The following SLC12A8 variants were observed in gnomAD, a reference collection of about 807,000 sequenced individuals.
The protein encoded by SLC12A8 is cation-chloride cotransporter 9.
In SLC12A8, 69 loss-of-function variants were observed where a neutral mutation model predicts 75.6. The ratio of observed to expected loss-of-function variants is 0.91; its 90% CI spans 0.75 to 1.11. The LOEUF is 1.11. SLC12A8 is among the 50% of genes most tolerant of loss of function. The pLI is 0.00. For synonymous variants in SLC12A8, 365 were observed against 372.8 expected, an observed-to-expected ratio of 0.98 and a Z score of 0.24; for missense variants, 877 against 896.7, an observed-to-expected ratio of 0.98 and a Z score of 0.28.
intron 2 of SLC12A8, 134 bp downstream of exon 2, chr3:125,211,165 A>T: frequency 1.3e-6 from 1 of 764,420 alleles, no homozygotes; most frequent in Non-Finnish European, 2.3e-6. Context: ...TTCTCATTGA[A>T]CTGGATGACC....
intron 5 of SLC12A8, among the ~76,000 whole-genome samples, chr3:125,161,564 G>A: frequency 6.6e-6 from 1 of 152,044 alleles, no homozygotes; most frequent in East Asian, 1.9e-4. Context: ...AACCTGCACA[G>A]TCGGAAAGAA....
chr3:125,122,248 G>C (rs1933081678), intron 6 of SLC12A8, among the ~76,000 whole-genome samples: 1 of 152,132 alleles, frequency 6.6e-6, no homozygotes. Flanking sequence ...TGTTATTTCT[G>C]GGTGATAAAA....
chr3:125,158,044 G>A (rs896487511), intron 5 of SLC12A8, among the ~76,000 whole-genome samples: 2 of 152,066 alleles, frequency 1.3e-5, no homozygotes, highest in African/African-American at 4.8e-5. Flanking sequence ...GAAGGATGGC[G>A]GAAATGAAGG....
At chr3:125,100,051 C>T (rs1363138842) in intron 10 of SLC12A8, among the ~76,000 whole-genome samples, 1 of 151,976 alleles carries the variant, frequency 6.6e-6, no homozygotes, top group Non-Finnish European at 1.5e-5. Flanking sequence ...TTTCAGATGA[C>T]AGAGGAAAGA....
At chr3:125,115,676 C>T (rs1312183968) in intron 8 of SLC12A8, among the ~76,000 whole-genome samples, 3 of 152,020 alleles carry the variant, frequency 2.0e-5, no homozygotes, top group Non-Finnish European at 4.4e-5. Context: ...GAAAGGAATC[C>T]AGGGCAGCCT....
At chr3:125,094,797 C>G (rs771633889) in intron 10 of SLC12A8, among the ~76,000 whole-genome samples, 2 of 152,214 alleles carry the variant, frequency 1.3e-5, no homozygotes, top group Non-Finnish European at 2.9e-5. Flanking sequence ...ATTGTATCTA[C>G]TTTTCCACTA....
chr3:125,193,694 G>T (rs2107798032), intron 2 of SLC12A8, among the ~76,000 whole-genome samples: 1 of 152,296 alleles, frequency 6.6e-6, no homozygotes, highest in Non-Finnish European at 1.5e-5. Context: ...TCCTGAGTCT[G>T]CATCCCCAAT....
At position 125,161,113 on chromosome 3, in the gene SLC12A8, C is replaced by T. The variant is rs182922348; in HGVS notation, c.622+16630G>A. ...CCAGTGCTGACCTGCTTGGGCTTCCCATCCTCTTGTCTCGGCAGGGCTCAT... is the reference window on the plus strand; with the variant it reads ...CCAGTGCTGACCTGCTTGGGCTTCCTATCCTCTTGTCTCGGCAGGGCTCAT... On this transcript the variant is annotated intron_variant, in intron 5 of 13. Transcript: ENST00000469902. Among the ~76,000 whole-genome samples, 2 of 152,318 alleles carry T rather than the reference C, an allele frequency of 1.3e-5. 1 individual carries two copies. The highest frequency in any genetic ancestry group is 3.9e-4 in the East Asian group (2 of 5,180).
intron 2 of SLC12A8, among the ~76,000 whole-genome samples, chr3:125,210,124 G>A (rs972394474): frequency 2.6e-5 from 4 of 152,122 alleles, no homozygotes; most frequent in Admixed American, 2.6e-4. Context: ...CTCTCTTAGG[G>A]CACTTATGAC....
intron 6 of SLC12A8, 132 bp from the exon 7 acceptor site, chr3:125,120,818 C>G (rs780271689): frequency 6.8e-6 from 5 of 733,226 alleles, no homozygotes; most frequent in Non-Finnish European, 9.8e-6. Context: ...AGCTGCAGCT[C>G]TGCGCATAGG....
chr3:125,090,894 G>C (rs1490213764), intron 12 of SLC12A8, among the ~76,000 whole-genome samples: 1 of 151,940 alleles, frequency 6.6e-6, no homozygotes, highest in Non-Finnish European at 1.5e-5. Context: ...ATTCAATTAG[G>C]GTGCTTAGAC....
intron 4 of SLC12A8, among the ~76,000 whole-genome samples, chr3:125,178,902 A>G (rs142116093): frequency 0.018 from 2,782 of 152,350 alleles, 41 homozygotes; most frequent in Middle Eastern, 0.061. Context: ...TTTTAAAAAA[A>G]TGAAATGAAA....
At chr3:125,125,553 C>T (rs1454672715) in intron 6 of SLC12A8, among the ~76,000 whole-genome samples, 8 of 152,012 alleles carry the variant, frequency 5.3e-5, no homozygotes, top group Admixed American at 1.3e-4. Flanking sequence ...AGCAAGACTC[C>T]GTCTCAAAAA....
chr3:125,162,988 G>T (rs1934206854), intron 5 of SLC12A8, among the ~76,000 whole-genome samples: 1 of 152,172 alleles, frequency 6.6e-6, no homozygotes, highest in African/African-American at 2.4e-5. Context: ...AAAAAGACAG[G>T]AGAAACCTAA....
chr3:125,097,891 CT>C (rs1448317620), intron 10 of SLC12A8, among the ~76,000 whole-genome samples: 2 of 152,044 alleles, frequency 1.3e-5, no homozygotes, highest in African/African-American at 4.8e-5. Context: ...AGGCAGGTAA[CT>C]TTACTTTATC....
At chr3:125,200,462 C>G (rs1413575122) in intron 2 of SLC12A8, among the ~76,000 whole-genome samples, 1 of 152,072 alleles carries the variant, frequency 6.6e-6, no homozygotes, top group African/African-American at 2.4e-5. Flanking sequence ...AAAACAACAA[C>G]AACAACAAGA....
At chr3:125,086,649 G>A (rs79369360) in intron 13 of SLC12A8, among the ~76,000 whole-genome samples, 6,612 of 152,248 alleles carry the variant, frequency 0.043, 251 homozygotes, top group African/African-American at 0.092. Context: ...TGGGTTGTAG[G>A]GGAGAAGAGA....
intron 8 of SLC12A8, among the ~76,000 whole-genome samples, chr3:125,111,595 T>TA (rs1491391012): frequency 0.013 from 2,047 of 152,346 alleles, 44 homozygotes; most frequent in African/African-American, 0.045. Flanking sequence ...AGAGTTAATA[T>TA]TCAGCTTTGT....
At position 125,082,806 on chromosome 3, in the gene SLC12A8, T is replaced by C. The variant is rs892169385; in HGVS notation, c.*1084A>G. The C allele has an allele frequency of 5.9e-5, 9 of 152,202 alleles. No individual in the cohort carries two copies. Among genetic ancestry groups the C allele is most frequent in the Non-Finnish European group, 1.2e-4 (8 of 68,042 alleles). 9.4% of individuals were successfully genotyped at this position (152,202 alleles called of 1,614,324 possible). ...TTATTCACTGCAGAGCTGATTGTCA[T>C]TGCAAAAGATTGGAAAGAATCCAAA... On this transcript the variant is annotated 3_prime_UTR_variant, in exon 14 of 14. Coordinates refer to ENST00000469902, the MANE Select transcript of SLC12A8 (RefSeq NM_024628.6).
Sources: allele counts gnomAD v4.1 joint callset (sites outside exome capture counted in the v4.1 genomes callset), GRCh38; gene constraint gnomAD v4.1.1; transcripts MANE v1.5; gene names NCBI Gene and HGNC (gene_info 2026-07-23, HGNC 2026-07-21).